Variants in SAMD14 observed in about 807,000 individuals in gnomAD.
SAMD14 encodes the protein sterile alpha motif domain-containing protein 14.
Under a neutral mutation model 46.2 loss-of-function variants are expected in SAMD14, and 27 were observed. The observed-to-expected ratio is 0.58, with a 90% CI of 0.43 to 0.81. The LOEUF (loss-of-function observed/expected upper bound fraction) is 0.81, where lower values mean the gene tolerates loss of function less well. Ranked by LOEUF, SAMD14 falls within the 30% of genes least tolerant of loss-of-function variation. The pLI is 0.00. For missense variants in SAMD14, 559 were observed against 582.2 expected (o/e 0.96, Z 0.41); for synonymous variants, 241 against 254.3 (o/e 0.95, Z 0.50).
Position 50,113,274 on chromosome 17 carries a change from T to TTCC in SAMD14, c.1099-229_1099-227dup. On this transcript the variant is annotated intron_variant, in intron 9 of 9. Transcript: ENST00000330175. ...GATGAGGGTTGGGGGTATTAGGCGCTTCCTCCTCCTCCCCCACCATTCCTC... is the reference window on the plus strand; with the variant it reads ...GATGAGGGTTGGGGGTATTAGGCGCTTCCTCCTCCTCCTCCCCCACCATTCCTC... 4 of 523,410 alleles carry TTCC rather than the reference T, an allele frequency of 7.6e-6. No homozygotes were observed. The South Asian group carries it at 1.0e-4, about 13-fold the overall frequency. 32.4% of individuals were successfully genotyped at this position (523,410 alleles called of 1,614,324 possible). A position where few individuals can be genotyped will look rare whatever the true frequency, so the allele number is the denominator to read the frequency against.
chr17:50,124,738 G>A (rs543128674), intron 2 of SAMD14, among the ~76,000 whole-genome samples, 179 bp downstream of exon 2: 64 of 148,980 alleles, frequency 4.3e-4, no homozygotes, highest in African/African-American at 1.5e-3. Context: ...CAAAGGGTCA[G>A]GCCACAATAC....
intron 4 of SAMD14, 41 bp from the exon 5 acceptor site, chr17:50,116,131 C>A: frequency 6.3e-7 from 1 of 1,579,920 alleles, no homozygotes. Context: ...TGTTTGCTGC[C>A]CTGCCTGCCT....
chr17:50,119,877 C>T (rs936798986), intron 2 of SAMD14, among the ~76,000 whole-genome samples: 9 of 152,204 alleles, frequency 5.9e-5, no homozygotes, highest in African/African-American at 2.2e-4. Context: ...CCCAGAGCTG[C>T]TCCTCCCAGT....
intron 2 of SAMD14, 112 bp downstream of exon 2, chr17:50,124,805 A>ACG: frequency 9.8e-7 from 1 of 1,019,028 alleles, no homozygotes; most frequent in East Asian, 2.4e-5. Flanking sequence ...ACACACACAC[A>ACG]CACTCTGAAG....
Position 50,110,232 on chromosome 17 carries a change from C to A in SAMD14, c.*2661G>T. 1.0e-6 allele frequency: 1 copy of A among 973,640 alleles called. No individual in the cohort carries two copies. Among genetic ancestry groups the A allele is most frequent in the Admixed American group, 2.8e-5 (1 of 36,250 alleles). The allele number at this position is 973,640 out of a possible 1,614,324, so 60.3% of individuals were successfully genotyped here. A position where few individuals can be genotyped will look rare whatever the true frequency, so the allele number is the denominator to read the frequency against. On this transcript the variant is annotated 3_prime_UTR_variant, in exon 10 of 10. Coordinates refer to ENST00000330175, the MANE Select transcript of SAMD14 (RefSeq NM_001257359.2). ...GACCAGGTTCTGTCTCTATGGAAGT[C>A]ACTGCGGTGATAGGTCTGTGATGGT...
In SAMD14 at chr17:50,124,980, G is replaced by A. The variant is rs1162774922; in HGVS notation, c.-12-9C>T. On this transcript the variant is annotated splice_polypyrimidine_tract_variant and intron_variant, in intron 1 of 9. Coordinates refer to ENST00000330175, the MANE Select transcript of SAMD14 (RefSeq NM_001257359.2). ...GCCATGACTCAAGAGAGCTGGGAAGGACAAGAGGGGAGAGAAAGAAAAAGA... is the reference window on the plus strand; with the variant it reads ...GCCATGACTCAAGAGAGCTGGGAAGAACAAGAGGGGAGAGAAAGAAAAAGA... 4 of 1,613,574 alleles carry A rather than the reference G, an allele frequency of 2.5e-6. No individual in the cohort carries two copies. The highest frequency in any genetic ancestry group is 4.5e-5 in the East Asian group (2 of 44,882).
intron 2 of SAMD14, 146 bp downstream of exon 2, chr17:50,124,771 G>GCGCGCACA (rs71353620): frequency 0.047 from 26,231 of 562,738 alleles, 318 homozygotes; most frequent in East Asian, 0.067. Context: ...ACGCGCGCGC[G>GCGCGCACA]CACACACACA....
intron 2 of SAMD14, among the ~76,000 whole-genome samples, chr17:50,121,940 T>G (rs1226086110): frequency 1.3e-5 from 2 of 152,184 alleles, no homozygotes; most frequent in African/African-American, 4.8e-5. Flanking sequence ...CCTTATAGGG[T>G]GGTTGTGAGC....
intron 2 of SAMD14, among the ~76,000 whole-genome samples, chr17:50,119,980 A>T (rs929162459): frequency 6.6e-6 from 1 of 152,184 alleles, no homozygotes; most frequent in African/African-American, 2.4e-5. Flanking sequence ...AAACGGATTC[A>T]TCCACAATTC....
At chr17:50,128,513 C>CACACA (rs1555563462) in intron 1 of SAMD14, among the ~76,000 whole-genome samples, 2 of 138,502 alleles carry the variant, frequency 1.4e-5, no homozygotes, top group South Asian at 2.3e-4. Flanking sequence ...CACACACACA[C>CACACA]CCCCATTCAG....
At chr17:50,120,069 T>C (rs1445140933) in intron 2 of SAMD14, among the ~76,000 whole-genome samples, 1 of 152,186 alleles carries the variant, frequency 6.6e-6, no homozygotes, top group Non-Finnish European at 1.5e-5. Context: ...TGGACTAGGT[T>C]CCACATAATC....
In SAMD14 at chr17:50,115,731, G is replaced by A; in HGVS notation, c.663-8C>T. ...GACCCCTCCACTGACTCCCTGCAGA[G>A]AGAGTGTCCAGCATGGGTGTGGGTA... On this transcript the variant is annotated splice_region_variant and splice_polypyrimidine_tract_variant and intron_variant, in intron 6 of 9. Coordinates refer to ENST00000330175, the MANE Select transcript of SAMD14 (RefSeq NM_001257359.2). This position sits in a 1 kb window ranked among gnomAD's most constrained non-coding sequence, Gnocchi z 5.3. 6.2e-7 allele frequency: 1 copy of A among 1,609,292 alleles called. No homozygotes were observed. The highest frequency in any genetic ancestry group is 8.5e-7 in the Non-Finnish European group (1 of 1,176,530).
In SAMD14 at chr17:50,115,122, G is replaced by A. The variant is rs1024122384; in HGVS notation, c.822+442C>T. 1 of 158,918 alleles carries A rather than the reference G, an allele frequency of 6.3e-6. No individual in the cohort carries two copies. Among genetic ancestry groups the A allele is most frequent in the African/African-American group, 2.4e-5 (1 of 41,632 alleles). The allele number at this position is 158,918 out of a possible 1,614,324, so 9.8% of individuals were successfully genotyped here. ...TTGCTCATCATTGCTTCTCTTACTC[G>A]TCTCACATCACATAGGGTTGTAAGC... is the stretch of plus-strand genomic sequence containing the variant. On this transcript the variant is annotated intron_variant, in intron 7 of 9. Transcript: ENST00000330175. This position sits in a 1 kb window ranked among gnomAD's most constrained non-coding sequence, Gnocchi z 5.3.
intron 1 of SAMD14, among the ~76,000 whole-genome samples, chr17:50,127,558 G>A (rs1911835674): frequency 6.6e-6 from 1 of 151,820 alleles, no homozygotes; most frequent in South Asian, 2.1e-4. Context: ...CCGAGATCGT[G>A]CCATTGCACT....
rs1911133755 is a variant in SAMD14, at chr17:50,115,491, G to T, written c.822+73C>A. On this transcript the variant is annotated intron_variant, in intron 7 of 9. Transcript: ENST00000330175. This position sits in a 1 kb window ranked among gnomAD's most constrained non-coding sequence, Gnocchi z 5.3. ...CAGGAATGTCTGAATCCCAGCCTGAGCCAAGGTGAAGTACGCCCTCATGTC... is the reference window on the plus strand; with the variant it reads ...CAGGAATGTCTGAATCCCAGCCTGATCCAAGGTGAAGTACGCCCTCATGTC... 2 of 1,465,818 alleles carry T rather than the reference G, an allele frequency of 1.4e-6. No individual in the cohort carries two copies. Among genetic ancestry groups the T allele is most frequent in the East Asian group, 4.6e-5 (2 of 43,432 alleles). 90.8% of individuals were successfully genotyped at this position (1,465,818 alleles called of 1,614,324 possible).
In SAMD14 at chr17:50,112,788, CAGGCT is replaced by C; in HGVS notation, c.*100_*104del. ...CATGTCCCCCCTGAGAGCGTGGGAC[CAGGCT>C]AGCCCAAGTGCAGCGCCCAGGTCCA... On this transcript the variant is annotated 3_prime_UTR_variant, in exon 10 of 10. Coordinates refer to ENST00000330175, the MANE Select transcript of SAMD14 (RefSeq NM_001257359.2). The C allele has an allele frequency of 7.4e-7, 1 of 1,350,632 alleles. No individual in the cohort carries two copies. The highest frequency in any genetic ancestry group is 1.0e-6 in the Non-Finnish European group (1 of 996,584). 83.7% of individuals were successfully genotyped at this position (1,350,632 alleles called of 1,614,324 possible).
In SAMD14 at chr17:50,114,158, C is replaced by A. The variant is rs181673654; in HGVS notation, c.942+29G>T. 8 of 1,613,918 alleles carry A rather than the reference C, an allele frequency of 5.0e-6. No homozygotes were observed. In the African/African-American group the frequency reaches 1.1e-4, roughly 22 times the overall value. On this transcript the variant is annotated intron_variant, in intron 8 of 9. Coordinates refer to ENST00000330175, the MANE Select transcript of SAMD14 (RefSeq NM_001257359.2). Reference sequence around the variant, plus strand: ...CTTGCAGAGTCAGAGGTCAGGACTCCGTGGGCACCCTGGGCCAGCCTTGCT... The same window carrying A: ...CTTGCAGAGTCAGAGGTCAGGACTCAGTGGGCACCCTGGGCCAGCCTTGCT...
Position 50,117,643 on chromosome 17 carries a change from G to C in SAMD14, c.263C>G (p.Ser88Ter). The change falls in exon 4 of 10, where the codon TCA (serine) becomes TGA (stop). Residue 88 changes from serine (S) to a stop codon, truncating the protein, a stop_gained. Coordinates refer to ENST00000330175, the MANE Select transcript of SAMD14 (RefSeq NM_001257359.2). LOFTEE classifies it high-confidence loss of function. The part of the protein sequence containing the change: ...PLHRLRSPLH[S>*]GPGSPAGGSF... ...GCCCCCGGCCGGGGACCCCGGGCCT[G>C]AGTGCAAAGGCGAGCGCAGCCGGTG... is the stretch of plus-strand genomic sequence containing the variant. 6.4e-7 allele frequency: 1 copy of C among 1,557,524 alleles called. No homozygotes were observed. Among genetic ancestry groups the C allele is most frequent in the Non-Finnish European group, 8.6e-7 (1 of 1,162,210 alleles).
chr17:50,128,143 C>T (rs1299539427), intron 1 of SAMD14, among the ~76,000 whole-genome samples: 1 of 152,140 alleles, frequency 6.6e-6, no homozygotes, highest in Non-Finnish European at 1.5e-5. Flanking sequence ...CTCCTTTCTG[C>T]CTCTGAGAAT....
Sources: gnomAD v4.1 joint callset for allele counts (sites outside exome capture counted in the v4.1 genomes callset) on GRCh38, gnomAD v4.1.1 for gene constraint, Gnocchi (gnomAD v3.1) non-coding constraint, MANE v1.5 for transcripts, NCBI Gene and HGNC (gene_info 2026-07-23, HGNC 2026-07-21) for gene names.